The following INTS15 variants were observed in gnomAD, a reference collection of about 807,000 sequenced individuals.
The protein encoded by INTS15 is uncharacterized protein C7orf26.
chr7:6,608,076 A>G, the INTS15 span: 1 of 1,143,486 alleles, frequency 8.7e-7, no homozygotes, highest in Non-Finnish European at 1.2e-6. Context: ...GTCCCGGCCC[A>G]CCCCGCCGCC....
chr7:6,600,508 C>T, the INTS15 span: 1 of 777,658 alleles, frequency 1.3e-6, no homozygotes, highest in Admixed American at 3.0e-5. Flanking sequence ...CCAGCCGTGC[C>T]CCCTGCATTC....
the INTS15 span, among the ~76,000 whole-genome samples, chr7:6,601,543 G>A: frequency 6.6e-6 from 1 of 152,034 alleles, no homozygotes; most frequent in Non-Finnish European, 1.5e-5. Flanking sequence ...TGATCCGCCC[G>A]CCTCAGCCTC....
the INTS15 span, among the ~76,000 whole-genome samples, chr7:6,596,687 T>C: frequency 6.6e-6 from 1 of 151,020 alleles, no homozygotes; most frequent in African/African-American, 2.4e-5. Flanking sequence ...CCACCTTTTT[T>C]CTTGTTGTTA....
the INTS15 span, chr7:6,591,766 A>G: frequency 1.9e-6 from 3 of 1,614,142 alleles, no homozygotes; most frequent in Non-Finnish European, 2.5e-6. Context: ...TCAAGGGAAC[A>G]AAGCCGATGA....
chr7:6,594,360 C>A, the INTS15 span: 3 of 1,461,462 alleles, frequency 2.1e-6, no homozygotes, highest in South Asian at 2.4e-5. Context: ...TGGAGGTGGT[C>A]ACTGTGTGTG....
the INTS15 span, among the ~76,000 whole-genome samples, chr7:6,593,585 C>T: frequency 4.6e-5 from 7 of 151,472 alleles, no homozygotes; most frequent in Admixed American, 1.3e-4. Flanking sequence ...CCGCCTGCCT[C>T]GGCCTCCCAA....
At chr7:6,608,533 C>G in the INTS15 span, 4 of 1,123,804 alleles carry the variant, frequency 3.6e-6, no homozygotes, top group Non-Finnish European at 2.2e-6. Context: ...ACGATGTGTC[C>G]CCGCCAGAAA....
At chr7:6,590,953 C>G in the INTS15 span, among the ~76,000 whole-genome samples, 1 of 151,816 alleles carries the variant, frequency 6.6e-6, no homozygotes, top group Non-Finnish European at 1.5e-5. Flanking sequence ...ATCCTCCCGC[C>G]TCATCCTTCT....
chr7:6,601,338 C>T, the INTS15 span, among the ~76,000 whole-genome samples: 4 of 151,994 alleles, frequency 2.6e-5, no homozygotes, highest in Non-Finnish European at 4.4e-5. Context: ...CTTCTTTGCC[C>T]AGGCTGGAGT....
the INTS15 span, among the ~76,000 whole-genome samples, chr7:6,598,468 CA>C: frequency 1.0e-2 from 1,208 of 121,208 alleles, 19 homozygotes; most frequent in African/African-American, 0.035. Flanking sequence ...GACTCCATCT[CA>C]AAAAAAAAAA....
At chr7:6,602,136 A>T in the INTS15 span, 6 of 1,612,694 alleles carry the variant, frequency 3.7e-6, no homozygotes, top group Non-Finnish European at 4.2e-6. Context: ...GCTGCCCCAT[A>T]ATAAGTAAGT....
At chr7:6,607,002 A>G in the INTS15 span, among the ~76,000 whole-genome samples, 2 of 152,054 alleles carry the variant, frequency 1.3e-5, no homozygotes, top group African/African-American at 4.8e-5. This position sits in a 1 kb window ranked among gnomAD's most constrained non-coding sequence, Gnocchi z 6.0. Context: ...CCCGGCCAAG[A>G]GAGGTTCTGA....
At chr7:6,594,631 G>T in the INTS15 span, 1 of 1,605,702 alleles carries the variant, frequency 6.2e-7, no homozygotes, top group Admixed American at 1.7e-5. Flanking sequence ...TTCTATGGAA[G>T]AAGCTTCAGT....
At chr7:6,602,425 CTG>C in the INTS15 span, among the ~76,000 whole-genome samples, 1 of 152,168 alleles carries the variant, frequency 6.6e-6, no homozygotes, top group African/African-American at 2.4e-5. Flanking sequence ...AGGGGGCCCT[CTG>C]TTGGTGGCAC....
At chr7:6,592,188 C>T in the INTS15 span, among the ~76,000 whole-genome samples, 1 of 149,864 alleles carries the variant, frequency 6.7e-6, no homozygotes, top group African/African-American at 2.5e-5. Context: ...AAAGAGTCTC[C>T]CCTGAGAGTC....
chr7:6,607,883 G>T, the INTS15 span: 5 of 1,571,036 alleles, frequency 3.2e-6, no homozygotes, highest in Non-Finnish European at 4.3e-6. This position sits in a 1 kb window ranked among gnomAD's most constrained non-coding sequence, Gnocchi z 6.0. Context: ...GGTGCGGGGG[G>T]ACGGGGTCAG....
the INTS15 span, chr7:6,607,586 C>T: frequency 7.4e-7 from 1 of 1,358,150 alleles, no homozygotes; most frequent in Non-Finnish European, 9.8e-7. The surrounding 1 kb of genome is among the most constrained non-coding windows in gnomAD (Gnocchi z 6.0). Flanking sequence ...GGGGCTTCTG[C>T]TTGGAATTCA....
chr7:6,601,422 A>G, the INTS15 span, among the ~76,000 whole-genome samples: 1 of 151,646 alleles, frequency 6.6e-6, no homozygotes, highest in Non-Finnish European at 1.5e-5. Context: ...CAGCCTCCCA[A>G]GTAGCTGGGA....
At chr7:6,598,175 AG>A in the INTS15 span, among the ~76,000 whole-genome samples, 1 of 152,132 alleles carries the variant, frequency 6.6e-6, no homozygotes, top group African/African-American at 2.4e-5. Context: ...TGGAATCAAG[AG>A]GCTGCACACG....
Sources: gnomAD v4.1 joint callset for allele counts (sites outside exome capture counted in the v4.1 genomes callset) on GRCh38, gnomAD v4.1.1 for gene constraint, Gnocchi (gnomAD v3.1) non-coding constraint, MANE v1.5 for transcripts, NCBI Gene and HGNC (gene_info 2026-07-23, HGNC 2026-07-21) for gene names.